Variants in EBF1 observed in about 807,000 individuals in gnomAD.
EBF1 encodes the protein transcription factor COE1.
EBF1 carries 10 observed loss-of-function variants against 68.4 expected under a neutral mutation model. The ratio of observed to expected loss-of-function variants is 0.15; its 90% CI spans 0.09 to 0.25. The LOEUF is 0.25. Ranked by LOEUF, EBF1 falls within the 10% of genes least tolerant of loss-of-function variation. The pLI is 1.00. For synonymous variants in EBF1, 298 were observed against 299.8 expected (o/e 0.99, Z 0.06); for missense variants, 509 against 794.4 (o/e 0.64, Z 4.32).
intron 11 of EBF1, among the ~76,000 whole-genome samples, chr5:158,716,276 C>T (rs1418220743): frequency 2.0e-5 from 3 of 151,368 alleles, no homozygotes; most frequent in East Asian, 3.9e-4. Context: ...CTCCTTATGT[C>T]GATATCCAGA....
At chr5:159,066,051 G>C (rs1459493199) in intron 6 of EBF1, among the ~76,000 whole-genome samples, 1 of 152,100 alleles carries the variant, frequency 6.6e-6, no homozygotes, top group African/African-American at 2.4e-5. Context: ...AAAGCTAAGA[G>C]GCATCTATTA....
chr5:158,852,446 G>GA (rs1413965631), intron 6 of EBF1, among the ~76,000 whole-genome samples: 1 of 151,608 alleles, frequency 6.6e-6, no homozygotes, highest in Non-Finnish European at 1.5e-5. Context: ...GGATTTCATT[G>GA]AAAAAAAATC....
At chr5:158,718,010 A>G (rs1033536951) in intron 11 of EBF1, among the ~76,000 whole-genome samples, 31 of 152,190 alleles carry the variant, frequency 2.0e-4, no homozygotes, top group African/African-American at 6.0e-4. Context: ...TGGGGTTCCA[A>G]GAAACAGTTC....
At chr5:158,880,127 G>A (rs1798605804) in intron 6 of EBF1, among the ~76,000 whole-genome samples, 1 of 152,170 alleles carries the variant, frequency 6.6e-6, no homozygotes, top group African/African-American at 2.4e-5. Context: ...CCTCTTTTGG[G>A]AGGCTCTTGA....
At chr5:158,801,431 C>A (rs1275108171) in intron 8 of EBF1, among the ~76,000 whole-genome samples, 2 of 152,122 alleles carry the variant, frequency 1.3e-5, no homozygotes, top group South Asian at 4.2e-4. Flanking sequence ...TAGCAGCAGG[C>A]ACACATTTTA....
chr5:158,893,118 G>A (rs1801505346), intron 6 of EBF1, among the ~76,000 whole-genome samples: 1 of 152,088 alleles, frequency 6.6e-6, no homozygotes, highest in South Asian at 2.1e-4. Context: ...GAACTTCTTT[G>A]AAAATCCACA....
At chr5:158,830,340 G>C (rs1248183241) in intron 7 of EBF1, among the ~76,000 whole-genome samples, 1 of 151,818 alleles carries the variant, frequency 6.6e-6, no homozygotes, top group African/African-American at 2.4e-5. Context: ...GCGTAATCTC[G>C]GCTCACAGCA....
In EBF1 at chr5:158,813,303, AT is replaced by A. The variant is rs771152451; in HGVS notation, c.778+9872del. Among the ~76,000 whole-genome samples the A allele has an allele frequency of 5.0e-4, 76 of 152,234 alleles. No individual in the cohort carries two copies. The Middle Eastern group carries it at 0.02, about 41-fold the overall frequency. ...AAAAATGTTTAAATGTTTATCCTCCATTTTCTAAAATTATCTCACCTACTGC... is the reference window on the plus strand; with the variant it reads ...AAAAATGTTTAAATGTTTATCCTCCATTTCTAAAATTATCTCACCTACTGC... On this transcript the variant is annotated intron_variant, in intron 8 of 15. Coordinates refer to ENST00000313708, the MANE Select transcript of EBF1 (RefSeq NM_024007.5).
chr5:159,028,724 A>G (rs1768189309), intron 6 of EBF1, among the ~76,000 whole-genome samples: 1 of 152,206 alleles, frequency 6.6e-6, no homozygotes, highest in Non-Finnish European at 1.5e-5. Flanking sequence ...GGACTGGATG[A>G]CTGGGTGGCT....
At chr5:158,850,494 T>G (rs1252523041) in intron 6 of EBF1, among the ~76,000 whole-genome samples, 2 of 152,208 alleles carry the variant, frequency 1.3e-5, no homozygotes, top group African/African-American at 4.8e-5. Context: ...AGGAACTGTA[T>G]GAAAATTTCT....
intron 13 of EBF1, among the ~76,000 whole-genome samples, 178 bp from the exon 14 acceptor site, chr5:158,712,511 G>C (rs563359733): frequency 6.6e-6 from 1 of 152,254 alleles, no homozygotes; most frequent in Non-Finnish European, 1.5e-5. Flanking sequence ...AATGGGAAGC[G>C]AGCAAAAGAC....
chr5:158,819,361 A>G lies in EBF1; in HGVS notation c.778+3815T>C, dbSNP rs80319835. ...CGGGCACTTTGCCTTGTTGCATATT[A>G]GATCATTAGATAATAAAGTGTTAGC... On this transcript the variant is annotated intron_variant, in intron 8 of 15. Coordinates refer to ENST00000313708, the MANE Select transcript of EBF1 (RefSeq NM_024007.5). Among the ~76,000 whole-genome samples, 468 of 152,356 alleles carry G rather than the reference A, an allele frequency of 3.1e-3. 12 individuals are homozygous for G. In the East Asian group the frequency reaches 0.072, roughly 23 times the overall value.
At chr5:158,783,063 T>C (rs1776733867) in intron 9 of EBF1, among the ~76,000 whole-genome samples, 2 of 152,290 alleles carry the variant, frequency 1.3e-5, no homozygotes, top group South Asian at 4.1e-4. Flanking sequence ...TTAAAAAGTA[T>C]GCCACACAAG....
chr5:158,713,055 C>T lies in EBF1; in HGVS notation c.1284G>A (p.Ser428=), dbSNP rs1421412920. 6 of 1,599,082 alleles carry T rather than the reference C, an allele frequency of 3.8e-6. No homozygotes were observed. The highest frequency in any genetic ancestry group is 2.3e-5 in the East Asian group (1 of 43,914). Reference sequence around the variant, plus strand: ...TCACGCCCATCATCCCTGCGTGGACCGAGGTGTTAGCAAGGGCCGGGAGTT... The same window carrying T: ...TCACGCCCATCATCCCTGCGTGGACTGAGGTGTTAGCAAGGGCCGGGAGTT... ...HNQLPALANT[S]VHAGMMGVNS... The change falls in exon 13 of 16, where the codon TCG becomes TCA. Residue 428 remains serine (S), a synonymous_variant. Coordinates refer to ENST00000313708, the MANE Select transcript of EBF1 (RefSeq NM_024007.5).
chr5:159,003,476 C>T (rs889914655), intron 6 of EBF1, among the ~76,000 whole-genome samples: 2 of 147,436 alleles, frequency 1.4e-5, no homozygotes, highest in African/African-American at 2.5e-5. Context: ...AAAAAAAAAA[C>T]TGGCATTCTG....
intron 6 of EBF1, among the ~76,000 whole-genome samples, chr5:158,885,990 G>T: frequency 6.6e-6 from 1 of 152,196 alleles, no homozygotes; most frequent in East Asian, 1.9e-4. Flanking sequence ...CAGTTTGAAG[G>T]AGGTTGTTCT....
chr5:158,897,028 T>C (rs1255810602), intron 6 of EBF1, among the ~76,000 whole-genome samples: 1 of 152,160 alleles, frequency 6.6e-6, no homozygotes, highest in African/African-American at 2.4e-5. Context: ...CCAGTTCATA[T>C]TTGTTAAGGG....
intron 6 of EBF1, among the ~76,000 whole-genome samples, chr5:158,842,636 A>T (rs149530868): frequency 6.6e-6 from 1 of 152,196 alleles, no homozygotes; most frequent in Admixed American, 6.5e-5. Flanking sequence ...CTGTATAGGG[A>T]AACTGTGAAA....
At chr5:158,963,665 A>G (rs561488264) in intron 6 of EBF1, among the ~76,000 whole-genome samples, 1 of 152,314 alleles carries the variant, frequency 6.6e-6, no homozygotes, top group South Asian at 2.1e-4. Context: ...TTGGGTAGGA[A>G]AAAAACAAAG....
Sources: allele counts gnomAD v4.1 joint callset (sites outside exome capture counted in the v4.1 genomes callset), GRCh38; gene constraint gnomAD v4.1.1; transcripts MANE v1.5; gene names NCBI Gene and HGNC (gene_info 2026-07-23, HGNC 2026-07-21).